Variants in NOS1AP observed in about 807,000 individuals in gnomAD.
The protein encoded by NOS1AP is nitric oxide synthase 1 adaptor protein.
In NOS1AP, 21 loss-of-function variants were observed where a neutral mutation model predicts 56.2. The ratio of observed to expected loss-of-function variants is 0.37; its 90% CI spans 0.26 to 0.54. NOS1AP has a LOEUF of 0.54. NOS1AP is among the 20% of genes least tolerant of loss of function. NOS1AP has a pLI of 0.84. For missense variants in NOS1AP, 522 were observed against 657.8 expected (o/e 0.79, Z 2.26); for synonymous variants, 270 against 274.6 (o/e 0.98, Z 0.17).
chr1:162,209,769 G>A (rs1274944311), intron 2 of NOS1AP, among the ~76,000 whole-genome samples: 3 of 152,066 alleles, frequency 2.0e-5, no homozygotes, highest in African/African-American at 7.2e-5. Flanking sequence ...CTGAGAGCTG[G>A]GGGCGGGGGG....
intron 3 of NOS1AP, among the ~76,000 whole-genome samples, chr1:162,287,807 G>A (rs1183572454): frequency 6.6e-6 from 1 of 152,194 alleles, no homozygotes; most frequent in Non-Finnish European, 1.5e-5. Flanking sequence ...AGCGAGAGGA[G>A]GCTTCCTCAG....
intron 2 of NOS1AP, among the ~76,000 whole-genome samples, chr1:162,201,530 G>T (rs776747570): frequency 6.6e-6 from 1 of 152,092 alleles, no homozygotes; most frequent in Non-Finnish European, 1.5e-5. Context: ...TTGCCACACC[G>T]TCTTCCATAA....
chr1:162,354,999 C>A (rs1384395695), intron 6 of NOS1AP, among the ~76,000 whole-genome samples, 188 bp from the exon 7 acceptor site: 2 of 152,184 alleles, frequency 1.3e-5, no homozygotes, highest in Non-Finnish European at 2.9e-5. Flanking sequence ...TGAAAAGATA[C>A]TAAGATGAGA....
intron 1 of NOS1AP, among the ~76,000 whole-genome samples, chr1:162,134,611 A>G (rs1218885602): frequency 6.6e-5 from 10 of 152,014 alleles, no homozygotes; most frequent in Non-Finnish European, 4.4e-5. Flanking sequence ...AATCCTGAAA[A>G]TTACCCTGAA....
chr1:162,367,663 G>A lies in NOS1AP; in HGVS notation c.*196G>A, dbSNP rs1658144892. 1 of 645,704 alleles carries A rather than the reference G, an allele frequency of 1.5e-6. No homozygotes were observed. Among genetic ancestry groups the A allele is most frequent in the East Asian group, 2.8e-5 (1 of 35,824 alleles). The allele number at this position is 645,704 out of a possible 1,614,324, so 40.0% of individuals were successfully genotyped here. A position where few individuals can be genotyped will look rare whatever the true frequency, so the allele number is the denominator to read the frequency against. ...GTGGGGAAGAAATCGGATTCCCAGA[G>A]GTGAATCAGCTCCTCTCCTACTTGT... is the stretch of plus-strand genomic sequence containing the variant. On this transcript the variant is annotated 3_prime_UTR_variant, in exon 10 of 10. Coordinates refer to ENST00000361897, the MANE Select transcript of NOS1AP (RefSeq NM_014697.3). The surrounding 1 kb of genome is among the most constrained non-coding windows in gnomAD (Gnocchi z 6.5).
chr1:162,189,556 AT>A (rs1477567639), intron 2 of NOS1AP, among the ~76,000 whole-genome samples: 1 of 152,198 alleles, frequency 6.6e-6, no homozygotes, highest in Non-Finnish European at 1.5e-5. Context: ...ATCTGACAGA[AT>A]GTTCTAGGCA....
chr1:162,299,382 A>G (rs943990902), intron 3 of NOS1AP, among the ~76,000 whole-genome samples: 5 of 152,164 alleles, frequency 3.3e-5, no homozygotes, highest in African/African-American at 1.2e-4. Flanking sequence ...GATACATACA[A>G]AGAAAATTCA....
intron 1 of NOS1AP, among the ~76,000 whole-genome samples, chr1:162,138,897 C>T (rs1007594177): frequency 6.6e-6 from 1 of 152,126 alleles, no homozygotes; most frequent in African/African-American, 2.4e-5. Flanking sequence ...CCAGGGATTC[C>T]TGGGATGTGG....
intron 2 of NOS1AP, among the ~76,000 whole-genome samples, chr1:162,192,245 T>TTGTGAG (rs1651669988): frequency 6.6e-6 from 1 of 152,216 alleles, no homozygotes. Context: ...CAACTGCTGG[T>TTGTGAG]CTGAGCCATC....
At chr1:162,355,461 A>C in intron 7 of NOS1AP, 108 bp downstream of exon 7, 1 of 1,386,610 alleles carries the variant, frequency 7.2e-7, no homozygotes, top group Non-Finnish European at 1.0e-6. Flanking sequence ...ACTCCATGGC[A>C]CAGTGGCGGT....
chr1:162,132,562 T>C (rs900959923), intron 1 of NOS1AP, among the ~76,000 whole-genome samples: 2 of 152,234 alleles, frequency 1.3e-5, no homozygotes, highest in African/African-American at 2.4e-5. Flanking sequence ...TAAAGTGAGA[T>C]CACGGCAATC....
At chr1:162,165,279 C>T (rs1650433314) in intron 2 of NOS1AP, among the ~76,000 whole-genome samples, 1 of 152,114 alleles carries the variant, frequency 6.6e-6, no homozygotes, top group African/African-American at 2.4e-5. Flanking sequence ...CAAGATTGCA[C>T]CATTGCACTC....
chr1:162,327,299 A>G (rs2101788389), intron 4 of NOS1AP, among the ~76,000 whole-genome samples: 1 of 152,334 alleles, frequency 6.6e-6, no homozygotes, highest in Admixed American at 6.5e-5. Context: ...GGTATTCCTC[A>G]CTACCATGTG....
chr1:162,121,082 ATTTTTT>A (rs372854857), intron 1 of NOS1AP, among the ~76,000 whole-genome samples: 1,227 of 103,068 alleles, frequency 0.012, 11 homozygotes, highest in South Asian at 0.034. Context: ...GCACACTAGG[ATTTTTT>A]TTTTTTTTTT....
intron 1 of NOS1AP, among the ~76,000 whole-genome samples, chr1:162,108,429 A>G (rs530336828): frequency 6.6e-6 from 1 of 152,360 alleles, no homozygotes; most frequent in Admixed American, 6.5e-5. Flanking sequence ...TCACTTTTGC[A>G]GGATGCTAGG....
intron 6 of NOS1AP, 56 bp from the exon 7 acceptor site, chr1:162,355,131 G>A (rs913667688): frequency 8.1e-6 from 13 of 1,596,996 alleles, no homozygotes; most frequent in Non-Finnish European, 1.0e-5. Context: ...TAGGAAAGGA[G>A]GACTTTGTTC....
At position 162,368,118 on chromosome 1, in the gene NOS1AP, G is replaced by A. The variant is rs1276592090; in HGVS notation, c.*651G>A. On this transcript the variant is annotated 3_prime_UTR_variant, in exon 10 of 10. Coordinates refer to ENST00000361897, the MANE Select transcript of NOS1AP (RefSeq NM_014697.3). Reference sequence around the variant, plus strand: ...CAAACATTTTCTCCAGCCGGACATTGAATGTTGCTACAAAGGGAGCCTTGA... The same window carrying A: ...CAAACATTTTCTCCAGCCGGACATTAAATGTTGCTACAAAGGGAGCCTTGA... 6.6e-6 allele frequency: 1 copy of A among 152,632 alleles called. No individual in the cohort carries two copies. The highest frequency in any genetic ancestry group is 1.9e-4 in the East Asian group (1 of 5,190). The allele number at this position is 152,632 out of a possible 1,614,324, so 9.5% of individuals were successfully genotyped here.
chr1:162,308,856 T>C (rs1195422851), intron 4 of NOS1AP, among the ~76,000 whole-genome samples: 1 of 152,206 alleles, frequency 6.6e-6, no homozygotes, highest in Non-Finnish European at 1.5e-5. Flanking sequence ...CCAGCAACCC[T>C]GAGTGGTAGA....
At chr1:162,227,001 G>A (rs899682599) in intron 2 of NOS1AP, among the ~76,000 whole-genome samples, 4 of 151,962 alleles carry the variant, frequency 2.6e-5, no homozygotes, top group Non-Finnish European at 4.4e-5. Flanking sequence ...TACCTGAAAT[G>A]AAATGCACCA....
Sources: gnomAD v4.1 joint callset for allele counts (sites outside exome capture counted in the v4.1 genomes callset) on GRCh38, gnomAD v4.1.1 for gene constraint, Gnocchi (gnomAD v3.1) non-coding constraint, MANE v1.5 for transcripts, NCBI Gene and HGNC (gene_info 2026-07-23, HGNC 2026-07-21) for gene names.